Variants in TBC1D8 observed in about 807,000 individuals in gnomAD.
TBC1D8 encodes the protein BUB2-like protein 1.
In TBC1D8, 65 loss-of-function variants were observed where a neutral mutation model predicts 118.8. That is an observed-to-expected ratio of 0.55 (90% CI 0.45 to 0.67). The LOEUF (loss-of-function observed/expected upper bound fraction) is 0.67, where lower values mean the gene tolerates loss of function less well. TBC1D8 is among the 30% of genes least tolerant of loss of function. TBC1D8 has a pLI of 0.00. For synonymous variants in TBC1D8, 566 were observed against 595.8 expected, an observed-to-expected ratio of 0.95 and a Z score of 0.73; for missense variants, 1,376 against 1,471.2, an observed-to-expected ratio of 0.94 and a Z score of 1.06.
intron 2 of TBC1D8, among the ~76,000 whole-genome samples, chr2:101,075,399 A>AAT: frequency 6.6e-6 from 1 of 151,792 alleles, no homozygotes; most frequent in Non-Finnish European, 1.5e-5. Context: ...TCAAAAAAAA[A>AAT]AAAAAAATGT....
intron 1 of TBC1D8, among the ~76,000 whole-genome samples, chr2:101,121,066 A>ACCTAACAGATCCTAT (rs1477845684): frequency 6.6e-6 from 1 of 152,222 alleles, no homozygotes; most frequent in Non-Finnish European, 1.5e-5. Context: ...GAAGAGCCTA[A>ACCTAACAGATCCTAT]CCTAACAGAT....
At chr2:101,066,213 G>A (rs1263006580) in intron 2 of TBC1D8, among the ~76,000 whole-genome samples, 1 of 152,116 alleles carries the variant, frequency 6.6e-6, no homozygotes, top group Non-Finnish European at 1.5e-5. Flanking sequence ...GAACCCGGGA[G>A]ATGGAGGTTG....
intron 1 of TBC1D8, among the ~76,000 whole-genome samples, chr2:101,143,674 C>T (rs1282206691): frequency 2.6e-5 from 4 of 152,140 alleles, no homozygotes; most frequent in South Asian, 2.1e-4. Flanking sequence ...ATTCTTTCAC[C>T]TCAGCCTCCC....
intron 1 of TBC1D8, among the ~76,000 whole-genome samples, chr2:101,119,120 C>T (rs867810972): frequency 2.8e-4 from 43 of 152,106 alleles, no homozygotes; most frequent in Admixed American, 1.3e-4. Flanking sequence ...TTCTACACAC[C>T]AATAACAATC....
Position 101,059,474 on chromosome 2 carries a change from A to T in TBC1D8, c.349T>A (p.Ser117Thr). The T allele has an allele frequency of 6.2e-7, 1 of 1,613,988 alleles. No homozygotes were observed. The highest frequency in any genetic ancestry group is 1.3e-5 in the African/African-American group (1 of 75,052). ...ATGTCATCTTTATTATCAAAGACAGACAAGGTGTGGAGGAGATTTTGTTCC... is the reference window on the plus strand; with the variant it reads ...ATGTCATCTTTATTATCAAAGACAGTCAAGGTGTGGAGGAGATTTTGTTCC... ...WLEQNLLHTL[S>T]VFDNKDDIAS... Residue 117 changes from serine (S) to threonine (T), a missense_variant, in exon 3 of 20, where the codon TCT becomes ACT. Ser to Thr is a moderately conservative substitution (Grantham distance 58). Coordinates refer to ENST00000409318, the MANE Select transcript of TBC1D8 (RefSeq NM_001330348.2).
chr2:101,121,762 T>C (rs908580876), intron 1 of TBC1D8, among the ~76,000 whole-genome samples: 32 of 151,918 alleles, frequency 2.1e-4, no homozygotes, highest in African/African-American at 7.3e-4. Context: ...ATATACAGAG[T>C]TCAATTATAT....
At chr2:101,066,313 A>T (rs1683010899) in intron 2 of TBC1D8, among the ~76,000 whole-genome samples, 1 of 152,002 alleles carries the variant, frequency 6.6e-6, no homozygotes, top group Non-Finnish European at 1.5e-5. Context: ...AAATAAATAT[A>T]AATATACTCC....
intron 17 of TBC1D8, among the ~76,000 whole-genome samples, chr2:101,013,512 A>C (rs933870233): frequency 9.2e-5 from 14 of 152,220 alleles, no homozygotes. Flanking sequence ...CCCAAGTTAA[A>C]ATAAGATAAA....
chr2:101,027,789 C>A (rs1680423472), intron 14 of TBC1D8, among the ~76,000 whole-genome samples: 1 of 152,208 alleles, frequency 6.6e-6, no homozygotes, highest in Admixed American at 6.5e-5. Context: ...ATTATAGACC[C>A]CAACCTCATT....
At chr2:101,057,489 T>A (rs1477451697) in intron 3 of TBC1D8, among the ~76,000 whole-genome samples, 1 of 152,230 alleles carries the variant, frequency 6.6e-6, no homozygotes, top group Non-Finnish European at 1.5e-5. Flanking sequence ...GAGTTACTCA[T>A]CACTGAGTTT....
chr2:101,011,013 A>G lies in TBC1D8; in HGVS notation c.2931T>C (p.Asp977=), dbSNP rs756700989. ...VFGKPNGDAV[D]YQKQLKQMIK... ...TCATCTGCTTCAGCTGTTTCTGATA[A>G]TCAACTGCATCACCTTGAAACAAAG... Residue 977 remains aspartate (D), a synonymous_variant, in exon 19 of 20, where the codon GAT becomes GAC. Transcript: ENST00000409318. The G allele has an allele frequency of 2.5e-6, 4 of 1,612,344 alleles. No individual in the cohort carries two copies. Among genetic ancestry groups the G allele is most frequent in the Non-Finnish European group, 3.4e-6 (4 of 1,179,808 alleles).
intron 8 of TBC1D8, among the ~76,000 whole-genome samples, chr2:101,036,933 G>C (rs1389425710): frequency 2.0e-5 from 3 of 152,216 alleles, no homozygotes; most frequent in Admixed American, 2.0e-4. Flanking sequence ...AGATTTTACA[G>C]GAGCCATTAA....
rs779020109 is a variant in TBC1D8, at chr2:101,007,868, C to A, written c.3421G>T (p.Glu1141Ter). 1 of 1,611,158 alleles carries A rather than the reference C, an allele frequency of 6.2e-7. No homozygotes were observed. Among genetic ancestry groups the A allele is most frequent in the African/African-American group, 1.4e-5 (1 of 72,342 alleles). The change falls in exon 20 of 20, where the codon GAA (glutamate) becomes TAA (stop). Residue 1141 changes from glutamate (E) to a stop codon, truncating the protein, a stop_gained. Coordinates refer to ENST00000409318, the MANE Select transcript of TBC1D8 (RefSeq NM_001330348.2). LOFTEE classifies it high-confidence loss of function. ...TCAGATTGTGATTGGTGGCTCATTTCAAAAGTTTTGAGATTGTACTGATTG... is the reference window on the plus strand; with the variant it reads ...TCAGATTGTGATTGGTGGCTCATTTAAAAAGTTTTGAGATTGTACTGATTG... ...KINQYNLKTF[E>*]MSHQSQSELK...
At chr2:101,051,130 T>C (rs548409842) in intron 4 of TBC1D8, among the ~76,000 whole-genome samples, 3 of 152,352 alleles carry the variant, frequency 2.0e-5, no homozygotes, top group Non-Finnish European at 4.4e-5. Context: ...GGTGTACATG[T>C]GCCACATTTT....
chr2:101,115,440 G>C (rs1010203396), intron 1 of TBC1D8, among the ~76,000 whole-genome samples: 2 of 152,168 alleles, frequency 1.3e-5, no homozygotes, highest in African/African-American at 4.8e-5. Flanking sequence ...TCCATTTAGG[G>C]GAAGTTGCAG....
intron 1 of TBC1D8, among the ~76,000 whole-genome samples, chr2:101,128,959 G>A (rs1025095093): frequency 6.6e-6 from 1 of 152,146 alleles, no homozygotes; most frequent in Non-Finnish European, 1.5e-5. Flanking sequence ...GGAGCAGGGG[G>A]AGTTATTTAT....
intron 3 of TBC1D8, among the ~76,000 whole-genome samples, 167 bp from the exon 4 acceptor site, chr2:101,054,503 G>A (rs891143438): frequency 2.6e-5 from 4 of 151,454 alleles, no homozygotes; most frequent in Admixed American, 1.3e-4. Context: ...CGTGTCATCC[G>A]TCAGCCACCC....
intron 8 of TBC1D8, among the ~76,000 whole-genome samples, chr2:101,036,757 T>TA (rs2105395283): frequency 6.6e-6 from 1 of 152,386 alleles, no homozygotes; most frequent in East Asian, 1.9e-4. Flanking sequence ...TAGTGCCTTT[T>TA]AAACTAGGTA....
At chr2:101,020,456 C>T (rs1400247406) in intron 17 of TBC1D8, among the ~76,000 whole-genome samples, 1 of 152,132 alleles carries the variant, frequency 6.6e-6, no homozygotes, top group African/African-American at 2.4e-5. Flanking sequence ...CAGAAAACTT[C>T]AGTGATGCTA....
Sources: allele counts gnomAD v4.1 joint callset (sites outside exome capture counted in the v4.1 genomes callset), GRCh38; gene constraint gnomAD v4.1.1; transcripts MANE v1.5; gene names NCBI Gene and HGNC (gene_info 2026-07-23, HGNC 2026-07-21).